The following BRINP3 variants were observed in gnomAD, a reference collection of about 807,000 sequenced individuals.
BRINP3 encodes BMP/retinoic acid inducible neural specific 3.
In BRINP3, 19 loss-of-function variants were observed where a neutral mutation model predicts 71.0. The observed-to-expected ratio is 0.27, with a 90% confidence interval of 0.19 to 0.39. The LOEUF is 0.39. Ranked by LOEUF, BRINP3 falls within the 10% of genes least tolerant of loss-of-function variation. The pLI, the probability that BRINP3 is intolerant of heterozygous loss-of-function variation, is 1.00. For missense variants in BRINP3, 959 were observed against 940.8 expected (o/e 1.02, Z -0.25); for synonymous variants, 380 against 337.7 (o/e 1.13, Z -1.37).
chr1:190,151,257 T>C (rs1558011411), intron 7 of BRINP3, among the ~76,000 whole-genome samples: 1 of 152,226 alleles, frequency 6.6e-6, no homozygotes, highest in East Asian at 1.9e-4. Context: ...GATTCAAATA[T>C]AGATGAGACC....
intron 2 of BRINP3, among the ~76,000 whole-genome samples, chr1:190,306,277 G>A (rs1373662078): frequency 6.6e-6 from 1 of 151,636 alleles, no homozygotes; most frequent in Non-Finnish European, 1.5e-5. Context: ...CTGAGCAGAA[G>A]AGCAACATAC....
chr1:190,470,493 A>G (rs759023927), intron 1 of BRINP3, among the ~76,000 whole-genome samples: 3 of 151,116 alleles, frequency 2.0e-5, no homozygotes, highest in Non-Finnish European at 3.0e-5. Context: ...TTTAAAGGCA[A>G]CCACATCTCA....
intron 2 of BRINP3, among the ~76,000 whole-genome samples, chr1:190,283,069 C>T (rs1045514393): frequency 6.6e-6 from 1 of 151,958 alleles, no homozygotes; most frequent in Non-Finnish European, 1.5e-5. Context: ...ATATTTAGTA[C>T]TTGTGGCACA....
At chr1:190,318,810 TTTAA>T (rs200140962) in intron 2 of BRINP3, among the ~76,000 whole-genome samples, 1,769 of 152,272 alleles carry the variant, frequency 0.012, 13 homozygotes, top group Non-Finnish European at 0.017. Flanking sequence ...AATAAACAGC[TTTAA>T]TTACTTTATC....
intron 2 of BRINP3, among the ~76,000 whole-genome samples, chr1:190,322,813 A>G (rs1666332481): frequency 6.6e-6 from 1 of 152,066 alleles, no homozygotes; most frequent in African/African-American, 2.4e-5. Context: ...ACACTGTATG[A>G]TTTTTAACCA....
intron 6 of BRINP3, among the ~76,000 whole-genome samples, chr1:190,206,682 A>G (rs1014614303): frequency 6.6e-6 from 1 of 152,110 alleles, no homozygotes; most frequent in Non-Finnish European, 1.5e-5. Context: ...ATATCTGTTA[A>G]TACGGCTTTT....
chr1:190,294,346 T>C (rs1426287847), intron 2 of BRINP3, among the ~76,000 whole-genome samples: 1 of 151,802 alleles, frequency 6.6e-6, no homozygotes, highest in Non-Finnish European at 1.5e-5. Context: ...GCAGACTCGA[T>C]TTCCCAGGTC....
chr1:190,457,436 T>C (rs1676072072), intron 1 of BRINP3, among the ~76,000 whole-genome samples: 1 of 132,676 alleles, frequency 7.5e-6, no homozygotes, highest in South Asian at 2.4e-4. Flanking sequence ...AGAGGGAGGC[T>C]CTGTCTCAAA....
intron 6 of BRINP3, among the ~76,000 whole-genome samples, chr1:190,161,296 A>G (rs1023435047): frequency 2.0e-5 from 3 of 151,916 alleles, no homozygotes; most frequent in African/African-American, 7.2e-5. Flanking sequence ...ATATTTAAAA[A>G]CCTTTTCAGA....
intron 7 of BRINP3, among the ~76,000 whole-genome samples, chr1:190,113,965 T>C (rs888177426): frequency 1.3e-5 from 2 of 152,224 alleles, no homozygotes; most frequent in Non-Finnish European, 2.9e-5. Flanking sequence ...TCAGGAATCC[T>C]ATGTGTCTTC....
At chr1:190,226,423 A>T in intron 5 of BRINP3, 105 bp from the exon 6 acceptor site, 1 of 596,022 alleles carries the variant, frequency 1.7e-6, no homozygotes, top group South Asian at 3.3e-5. Context: ...TAGTGTATTA[A>T]ATTTTGAATT....
chr1:190,367,541 A>T (rs1370023082), intron 2 of BRINP3, among the ~76,000 whole-genome samples: 1 of 152,218 alleles, frequency 6.6e-6, no homozygotes, highest in African/African-American at 2.4e-5. Context: ...TTACTTACGC[A>T]AATTTCTGCA....
intron 3 of BRINP3, among the ~76,000 whole-genome samples, chr1:190,273,817 A>T (rs1428057109): frequency 2.6e-5 from 4 of 151,642 alleles, no homozygotes; most frequent in African/African-American, 9.7e-5. Context: ...AAAATAATAG[A>T]TAAAACAATG....
intron 7 of BRINP3, among the ~76,000 whole-genome samples, chr1:190,150,670 A>G (rs988968545): frequency 1.3e-5 from 2 of 152,192 alleles, no homozygotes; most frequent in Non-Finnish European, 2.9e-5. Context: ...TTTCATTTTT[A>G]TGCATTGATG....
chr1:190,386,191 T>C (rs892534322), intron 2 of BRINP3, among the ~76,000 whole-genome samples: 1 of 148,316 alleles, frequency 6.7e-6, no homozygotes, highest in Non-Finnish European at 1.5e-5. Flanking sequence ...GTAACTAACC[T>C]GCACAATGTG....
chr1:190,193,585 T>G (rs1325564865), intron 6 of BRINP3, among the ~76,000 whole-genome samples: 1 of 152,098 alleles, frequency 6.6e-6, no homozygotes, highest in Admixed American at 6.6e-5. Context: ...TTTACAGATG[T>G]GATTAAGTTA....
chr1:190,246,747 C>G (rs1346799094), intron 4 of BRINP3, among the ~76,000 whole-genome samples: 1 of 151,992 alleles, frequency 6.6e-6, no homozygotes, highest in Admixed American at 6.6e-5. Context: ...TTTTATGTGG[C>G]TTGCCTCCTT....
intron 7 of BRINP3, among the ~76,000 whole-genome samples, chr1:190,147,207 A>G (rs1571837472): frequency 6.6e-6 from 1 of 152,208 alleles, no homozygotes; most frequent in East Asian, 1.9e-4. Context: ...TAACAAGCAT[A>G]TTTTATTGTA....
At chr1:190,198,155 G>A (rs1654662680) in intron 6 of BRINP3, among the ~76,000 whole-genome samples, 1 of 149,116 alleles carries the variant, frequency 6.7e-6, no homozygotes, top group African/African-American at 2.4e-5. Context: ...GTGACATAAG[G>A]AACCAAGTCT....
Sources: allele counts gnomAD v4.1 joint callset (sites outside exome capture counted in the v4.1 genomes callset), GRCh38; gene constraint gnomAD v4.1.1; transcripts MANE v1.5; gene names NCBI Gene and HGNC (gene_info 2026-07-23, HGNC 2026-07-21).